TG: variants seen among roughly 807,000 people sequenced by gnomAD.
TG encodes thyroid hormones.
TG carries 270 observed loss-of-function variants against 324.7 expected under a neutral mutation model. The ratio of observed to expected loss-of-function variants is 0.83; its 90% CI spans 0.75 to 0.92. The LOEUF (loss-of-function observed/expected upper bound fraction) is 0.92. TG is among the 40% of genes least tolerant of loss of function. TG has a pLI of 0.00. For synonymous variants in TG, 1,401 were observed against 1,327.0 expected (o/e 1.06, Z -1.21); for missense variants, 3,591 against 3,456.4 (o/e 1.04, Z -0.98).
At position 132,908,238 on chromosome 8, in the gene TG, C is replaced by CCCG; in HGVS notation, c.3904_3906dup (p.Pro1302dup). Reference sequence around the variant, plus strand: ...CCCAAGGGCACTTTCAGCTCCAGCTCCCGCCGGGCAAGATGTGCAGTGCTG... The same window carrying CCCG: ...CCCAAGGGCACTTTCAGCTCCAGCTCCCGCCGCCGGGCAAGATGTGCAGTGCTG... On this transcript the variant is annotated inframe_insertion, in exon 18 of 48. Coordinates refer to ENST00000220616, the MANE Select transcript of TG (RefSeq NM_003235.5). 6.2e-7 allele frequency: 1 copy of CCCG among 1,614,008 alleles called. No individual in the cohort carries two copies. The highest frequency in any genetic ancestry group is 1.1e-5 in the South Asian group (1 of 91,076).
intron 25 of TG, 50 bp from the exon 26 acceptor site, chr8:132,941,301 C>A: frequency 6.2e-7 from 1 of 1,609,340 alleles, no homozygotes; most frequent in Non-Finnish European, 8.5e-7. Context: ...CTCTGTCCAA[C>A]TCTGCCATGT....
chr8:132,984,138 C>G (rs867029097), intron 35 of TG, among the ~76,000 whole-genome samples: 3 of 152,246 alleles, frequency 2.0e-5, no homozygotes, highest in Non-Finnish European at 4.4e-5. Context: ...GGGCTCCACA[C>G]GCTGCTCAGC....
intron 35 of TG, among the ~76,000 whole-genome samples, chr8:132,995,936 C>T (rs552739930): frequency 4.6e-5 from 7 of 152,306 alleles, no homozygotes; most frequent in African/African-American, 1.4e-4. Flanking sequence ...TGAACAGATG[C>T]TGGGCCATTA....
intron 5 of TG, among the ~76,000 whole-genome samples, chr8:132,875,974 C>T (rs912426548): frequency 1.3e-5 from 2 of 152,092 alleles, no homozygotes; most frequent in African/African-American, 2.4e-5. Context: ...AAATACGAGA[C>T]AGCAAGTTAC....
At chr8:133,133,904 G>A (rs1331197377) in intron 47 of TG, among the ~76,000 whole-genome samples, 1 of 152,228 alleles carries the variant, frequency 6.6e-6, no homozygotes, top group African/African-American at 2.4e-5. Context: ...GGGGTGACTA[G>A]GAGAGAAGGT....
At chr8:133,000,962 A>G (rs1252171590) in intron 35 of TG, among the ~76,000 whole-genome samples, 1 of 151,976 alleles carries the variant, frequency 6.6e-6, no homozygotes, top group African/African-American at 2.4e-5. Context: ...GATTCCTTCC[A>G]AGGTCCCTGT....
intron 41 of TG, among the ~76,000 whole-genome samples, chr8:133,080,766 C>T (rs930569839): frequency 6.6e-6 from 1 of 152,248 alleles, no homozygotes; most frequent in Non-Finnish European, 1.5e-5. Flanking sequence ...CCCCTCACCT[C>T]TTCCTCATGC....
At chr8:132,960,062 T>G (rs2130321349) in intron 27 of TG, among the ~76,000 whole-genome samples, 1 of 152,300 alleles carries the variant, frequency 6.6e-6, no homozygotes, top group Admixed American at 6.5e-5. Context: ...TAGCTCTTCA[T>G]TAGGACAAAT....
At chr8:132,904,762 A>C (rs1818429579) in intron 16 of TG, among the ~76,000 whole-genome samples, 1 of 152,072 alleles carries the variant, frequency 6.6e-6, no homozygotes, top group African/African-American at 2.4e-5. Flanking sequence ...AAAAACAAAA[A>C]CAGAAAAACC....
chr8:132,885,127 GT>G (rs936271470), intron 8 of TG, among the ~76,000 whole-genome samples: 4 of 124,254 alleles, frequency 3.2e-5, no homozygotes, highest in Non-Finnish European at 5.5e-5. Context: ...TATTTTAAAA[GT>G]TGGGGGGGGG....
chr8:132,937,897 A>G (rs905505125), intron 25 of TG, among the ~76,000 whole-genome samples: 1 of 152,142 alleles, frequency 6.6e-6, no homozygotes, highest in Admixed American at 6.5e-5. Flanking sequence ...AAACTAAATC[A>G]AGGGCAGAAC....
chr8:133,055,824 CCAGCAG>C (rs36210010), intron 41 of TG, among the ~76,000 whole-genome samples: 12 of 150,880 alleles, frequency 8.0e-5, no homozygotes, highest in East Asian at 5.9e-4. Flanking sequence ...CTCCTCATCA[CCAGCAG>C]CAGCAGCAGC....
At chr8:132,947,798 C>G (rs1262077197) in intron 26 of TG, among the ~76,000 whole-genome samples, 1 of 152,106 alleles carries the variant, frequency 6.6e-6, no homozygotes, top group Non-Finnish European at 1.5e-5. Context: ...ATAATAATGT[C>G]TATAAGAATT....
chr8:132,941,272 G>A, intron 25 of TG, 79 bp from the exon 26 acceptor site: 1 of 1,559,864 alleles, frequency 6.4e-7, no homozygotes, highest in East Asian at 2.2e-5. Context: ...TCAACAAACT[G>A]TCCTGTGAGA....
chr8:132,902,346 A>G (rs1042190175), intron 16 of TG, among the ~76,000 whole-genome samples: 21 of 152,068 alleles, frequency 1.4e-4, no homozygotes, highest in African/African-American at 4.8e-4. Flanking sequence ...GGGAAATTTA[A>G]TTGGGTCTAG....
At chr8:133,018,416 T>C (rs1477709766) in intron 38 of TG, among the ~76,000 whole-genome samples, 1 of 152,112 alleles carries the variant, frequency 6.6e-6, no homozygotes, top group Non-Finnish European at 1.5e-5. Flanking sequence ...GCTATTGCAG[T>C]GGCCAAGCTC....
intron 41 of TG, among the ~76,000 whole-genome samples, chr8:133,043,881 C>A (rs1160417746): frequency 6.6e-6 from 1 of 152,232 alleles, no homozygotes; most frequent in African/African-American, 2.4e-5. Flanking sequence ...AAAGCAAAAG[C>A]AACCTCTTTC....
intron 9 of TG, 118 bp from the exon 10 acceptor site, chr8:132,887,866 T>C: frequency 1.0e-6 from 1 of 988,312 alleles, no homozygotes; most frequent in Non-Finnish European, 1.5e-6. Context: ...AGCTTCATGG[T>C]ATTTCTATGG....
At chr8:132,989,119 C>A (rs1334302977) in intron 35 of TG, among the ~76,000 whole-genome samples, 2 of 152,156 alleles carry the variant, frequency 1.3e-5, no homozygotes, top group East Asian at 3.9e-4. Flanking sequence ...GTCAGATGTC[C>A]TGAGACTTAT....
Sources: allele counts gnomAD v4.1 joint callset (sites outside exome capture counted in the v4.1 genomes callset), GRCh38; gene constraint gnomAD v4.1.1; transcripts MANE v1.5; gene names NCBI Gene and HGNC (gene_info 2026-07-23, HGNC 2026-07-21).